The following DENND6A variants were observed in gnomAD, a reference collection of about 807,000 sequenced individuals.
DENND6A encodes the protein protein DENND6A.
DENND6A carries 43 observed loss-of-function variants against 95.5 expected under a neutral mutation model. The ratio of observed to expected loss-of-function variants is 0.45; its 90% CI spans 0.35 to 0.58. The LOEUF (loss-of-function observed/expected upper bound fraction) is 0.58, where lower values mean the gene tolerates loss of function less well. Among genes scored for constraint, DENND6A ranks in the 20% least tolerant of loss-of-function variants. The pLI is 0.00. For missense variants in DENND6A, 574 were observed against 736.0 expected (o/e 0.78, Z 2.55); for synonymous variants, 257 against 260.4 (o/e 0.99, Z 0.13).
chr3:57,689,168 T>G (rs1411479354), intron 1 of DENND6A, among the ~76,000 whole-genome samples: 1 of 152,016 alleles, frequency 6.6e-6, no homozygotes, highest in Non-Finnish European at 1.5e-5. Flanking sequence ...TTGGCCAGGG[T>G]GGTCTCGATC....
At chr3:57,684,263 C>T (rs1475977819) in intron 1 of DENND6A, among the ~76,000 whole-genome samples, 2 of 151,438 alleles carry the variant, frequency 1.3e-5, no homozygotes, top group East Asian at 1.9e-4. Context: ...AGTTTGAGAC[C>T]GGCCTGACCA....
At chr3:57,649,956 T>C (rs2071167793) in intron 9 of DENND6A, among the ~76,000 whole-genome samples, 2 of 150,922 alleles carry the variant, frequency 1.3e-5, no homozygotes, top group African/African-American at 4.9e-5. Flanking sequence ...GGAATACTAC[T>C]CAGCCATAAA....
chr3:57,671,836 G>A (rs1013077957), intron 3 of DENND6A, among the ~76,000 whole-genome samples: 4 of 152,256 alleles, frequency 2.6e-5, no homozygotes, highest in Non-Finnish European at 4.4e-5. Flanking sequence ...ACTACTGCAC[G>A]TAACTTATGG....
rs952617967 is a variant in DENND6A at position 57,625,615 on chromosome 3, G to T, written c.*2599C>A. The T allele has an allele frequency of 6.6e-6, 1 of 151,986 alleles. No individual in the cohort carries two copies. The highest frequency in any genetic ancestry group is 1.5e-5 in the Non-Finnish European group (1 of 67,928). 9.4% of individuals were successfully genotyped at this position (151,986 alleles called of 1,614,324 possible). On this transcript the variant is annotated 3_prime_UTR_variant, in exon 20 of 20. Coordinates refer to ENST00000311128, the MANE Select transcript of DENND6A (RefSeq NM_152678.3). ...GTAGAGATAAAACATTTAATGTCAG[G>T]GTTTACATAGTAACAAATTCTTCTT...
chr3:57,650,103 A>C (rs964718749), intron 9 of DENND6A, among the ~76,000 whole-genome samples: 1 of 152,098 alleles, frequency 6.6e-6, no homozygotes. Flanking sequence ...ATGCAAAGAC[A>C]TAAGAATGAT....
chr3:57,666,830 C>T (rs2071531508), intron 3 of DENND6A, among the ~76,000 whole-genome samples: 2 of 152,080 alleles, frequency 1.3e-5, no homozygotes, highest in Admixed American at 6.5e-5. Flanking sequence ...TAAAATTCCC[C>T]AATTTGACCT....
chr3:57,655,985 T>C (rs2071316749), intron 9 of DENND6A, among the ~76,000 whole-genome samples: 1 of 152,240 alleles, frequency 6.6e-6, no homozygotes, highest in East Asian at 1.9e-4. Context: ...TTCTTCTTAG[T>C]ATATTTTGCC....
chr3:57,659,124 AGTT>A lies in DENND6A; in HGVS notation c.753_755del (p.Leu251_Thr252delinsPhe). ...TACCATAGTACCACACTACCTGCTG[AGTT>A]AACTGCACTATTTGAGTTGTCCCAG... On this transcript the variant is annotated inframe_deletion, in exon 8 of 20. Transcript: ENST00000311128. The A allele has an allele frequency of 6.2e-7, 1 of 1,614,070 alleles. No individual in the cohort carries two copies. Among genetic ancestry groups the A allele is most frequent in the Non-Finnish European group, 8.5e-7 (1 of 1,179,976 alleles).
Position 57,641,697 on chromosome 3 carries a change from T to A in DENND6A, c.1088A>T (p.Gln363Leu). The part of the protein sequence containing the change: ...VTNPFFAKTL[Q>L]HWPHIIRIGD... ...TATTCGAATAATGTGTGGCCAGTGCTGGAGTGTCTTAGCAAAAAAAGGGTT... is the reference window on the plus strand; with the variant it reads ...TATTCGAATAATGTGTGGCCAGTGCAGGAGTGTCTTAGCAAAAAAAGGGTT... Residue 363 changes from glutamine (Q) to leucine (L), a missense_variant, in exon 12 of 20, where the codon CAG becomes CTG. By Grantham distance (113) the Gln-to-Leu change is moderately radical. This residue lies in a region of DENND6A where 452 missense variants were observed against 630.9 expected (regional missense o/e 0.72). Coordinates refer to ENST00000311128, the MANE Select transcript of DENND6A (RefSeq NM_152678.3). 5 of 1,613,512 alleles carry A rather than the reference T, an allele frequency of 3.1e-6. No homozygotes were observed. The highest frequency in any genetic ancestry group is 4.2e-6 in the Non-Finnish European group (5 of 1,179,744).
chr3:57,629,859 A>G (rs183026968), intron 18 of DENND6A, among the ~76,000 whole-genome samples: 62 of 152,274 alleles, frequency 4.1e-4, no homozygotes, highest in African/African-American at 1.4e-3. Flanking sequence ...TAACTAAAAA[A>G]GGTAAATACA....
chr3:57,626,765 A>G lies in DENND6A; in HGVS notation c.*1449T>C, dbSNP rs2070538956. 6.6e-6 allele frequency: 1 copy of G among 152,496 alleles called. No individual in the cohort carries two copies. Among genetic ancestry groups the G allele is most frequent in the African/African-American group, 2.4e-5 (1 of 41,396 alleles). 9.4% of individuals were successfully genotyped at this position (152,496 alleles called of 1,614,324 possible). ...CTCTTATTCAAACACAAACCAAACAACCCTACTCTACCAAATCACATTCTT... is the reference window on the plus strand; with the variant it reads ...CTCTTATTCAAACACAAACCAAACAGCCCTACTCTACCAAATCACATTCTT... On this transcript the variant is annotated 3_prime_UTR_variant, in exon 20 of 20. Transcript: ENST00000311128.
At chr3:57,669,974 C>A (rs2071588360) in intron 3 of DENND6A, among the ~76,000 whole-genome samples, 1 of 142,458 alleles carries the variant, frequency 7.0e-6, no homozygotes, top group South Asian at 2.2e-4. Context: ...GAGCTGCGAT[C>A]GTGCCACTGC....
At chr3:57,660,425 C>T (rs973433248) in intron 7 of DENND6A, among the ~76,000 whole-genome samples, 1 of 152,158 alleles carries the variant, frequency 6.6e-6, no homozygotes, top group African/African-American at 2.4e-5. Flanking sequence ...AAGGGATCCA[C>T]CCGCCTCGGC....
At chr3:57,646,217 A>G (rs940248658) in intron 10 of DENND6A, 99 bp downstream of exon 10, 61 of 1,469,646 alleles carry the variant, frequency 4.2e-5, no homozygotes, top group Non-Finnish European at 5.4e-5. Context: ...ATGGGTGGGG[A>G]AAAATACGAC....
At chr3:57,676,392 A>AG (rs1281934082) in intron 1 of DENND6A, among the ~76,000 whole-genome samples, 1 of 151,118 alleles carries the variant, frequency 6.6e-6, no homozygotes, top group East Asian at 1.9e-4. Flanking sequence ...AAAAAAAAAA[A>AG]AAAAAAGGCC....
rs186929551 is a variant in DENND6A, at chr3:57,676,466, T to C, written c.238-4028A>G. On this transcript the variant is annotated intron_variant, in intron 1 of 19. Transcript: ENST00000311128. ...CTCTAATCTTTTAACAGTTAAATCCTTGTTTCCAAAAGCATGGCACACATG... is the reference window on the plus strand; with the variant it reads ...CTCTAATCTTTTAACAGTTAAATCCCTGTTTCCAAAAGCATGGCACACATG... 2.8e-4 allele frequency among the ~76,000 whole-genome samples: 42 copies of C among 151,538 alleles called. 2 individuals carry two copies. The highest frequency in any genetic ancestry group is 1.8e-3 in the Admixed American group (28 of 15,246).
At chr3:57,631,007 G>C (rs765702166) in intron 15 of DENND6A, 29 bp from the exon 16 acceptor site, 1 of 1,601,930 alleles carries the variant, frequency 6.2e-7, no homozygotes, top group Non-Finnish European at 8.5e-7. Flanking sequence ...TTAATAAAAG[G>C]AGTGTCTTCA....
At chr3:57,666,751 C>T (rs1294603762) in intron 3 of DENND6A, among the ~76,000 whole-genome samples, 2 of 152,130 alleles carry the variant, frequency 1.3e-5, no homozygotes, top group East Asian at 1.9e-4. Context: ...TCCTTGTCAA[C>T]AAAATCAAGG....
rs768065650 is a variant in DENND6A at position 57,641,703 on chromosome 3, G to A, written c.1082C>T (p.Thr361Ile). 2 of 1,613,100 alleles carry A rather than the reference G, an allele frequency of 1.2e-6. No individual in the cohort carries two copies. Among genetic ancestry groups the A allele is most frequent in the South Asian group, 1.1e-5 (1 of 91,004 alleles). ...AATAATGTGTGGCCAGTGCTGGAGTGTCTTAGCAAAAAAAGGGTTGGTTAC... is the reference window on the plus strand; with the variant it reads ...AATAATGTGTGGCCAGTGCTGGAGTATCTTAGCAAAAAAAGGGTTGGTTAC... ...LGVTNPFFAK[T>I]LQHWPHIIRI... The change falls in exon 12 of 20, where the codon ACA becomes ATA. Residue 361 changes from threonine to isoleucine, a missense_variant. Transcript: ENST00000311128.
Sources: gnomAD v4.1 joint callset for allele counts (sites outside exome capture counted in the v4.1 genomes callset) on GRCh38, gnomAD v4.1.1 for gene constraint, gnomAD v4.1.1 regional missense constraint, MANE v1.5 for transcripts, NCBI Gene and HGNC (gene_info 2026-07-23, HGNC 2026-07-21) for gene names.